The following TSEN15 variants were observed in gnomAD, a reference collection of about 807,000 sequenced individuals.
The protein encoded by TSEN15 is tRNA splicing endonuclease subunit 15.
Under a neutral mutation model 20.5 loss-of-function variants are expected in TSEN15, and 10 were observed. The observed-to-expected ratio is 0.49, with a 90% CI of 0.30 to 0.83. The LOEUF is 0.83. Among genes scored for constraint, TSEN15 ranks in the 40% least tolerant of loss-of-function variants. The probability of loss-of-function intolerance (pLI) is 0.06; values close to 1 mark genes in which losing one functional copy is unlikely to be tolerated. For synonymous variants in TSEN15, 72 were observed against 80.1 expected, an observed-to-expected ratio of 0.90 and a Z score of 0.54; for missense variants, 180 against 218.6, an observed-to-expected ratio of 0.82 and a Z score of 1.11.
At chr1:184,053,790 G>A (rs1387643945) in intron 1 of TSEN15, among the ~76,000 whole-genome samples, 2 of 152,148 alleles carry the variant, frequency 1.3e-5, no homozygotes, top group Non-Finnish European at 2.9e-5. Flanking sequence ...GAGAGGCTAG[G>A]ACTGATACTC....
At chr1:184,067,308 G>A (rs1650706790) in intron 3 of TSEN15, among the ~76,000 whole-genome samples, 1 of 152,082 alleles carries the variant, frequency 6.6e-6, no homozygotes. Context: ...CCTACTAAGT[G>A]GTCCTCCTTT....
downstream of TSEN15, among the ~76,000 whole-genome samples, chr1:184,076,314 GATGTTACT>G (rs1370510984): frequency 6.6e-6 from 1 of 151,932 alleles, no homozygotes; most frequent in African/African-American, 2.4e-5. Context: ...AGGGATATTT[GATGTTACT>G]ATTGTAATTG....
chr1:184,052,421 AT>A (rs1487703886), intron 1 of TSEN15, among the ~76,000 whole-genome samples: 1 of 152,024 alleles, frequency 6.6e-6, no homozygotes, highest in Non-Finnish European at 1.5e-5. Context: ...AGCTACTCAC[AT>A]TTTGCGTGTA....
intron 2 of TSEN15, 120 bp downstream of exon 2, chr1:184,054,555 G>A (rs1417049686): frequency 1.7e-6 from 2 of 1,187,900 alleles, no homozygotes; most frequent in Admixed American, 2.3e-5. Context: ...TGTTAATTTT[G>A]CAATTTATTT....
intron 3 of TSEN15, chr1:184,093,580 G>A (rs371578167): frequency 6.6e-6 from 1 of 152,106 alleles, no homozygotes; most frequent in Non-Finnish European, 1.5e-5. Context: ...GTACTTTGTG[G>A]CATTAATATA....
At chr1:184,055,043 GA>G in intron 3 of TSEN15, 180 bp downstream of exon 3, 1 of 621,338 alleles carries the variant, frequency 1.6e-6, no homozygotes, top group East Asian at 2.9e-5. Flanking sequence ...TTGCTATAAA[GA>G]AATACCTGAG....
At chr1:184,057,321 A>G (rs1181645714) in intron 3 of TSEN15, among the ~76,000 whole-genome samples, 1 of 152,148 alleles carries the variant, frequency 6.6e-6, no homozygotes, top group Non-Finnish European at 1.5e-5. Flanking sequence ...AGAGTGGGGT[A>G]TGGGAAGAAT....
At chr1:184,092,375 G>A (rs1195078715) in intron 3 of TSEN15, among the ~76,000 whole-genome samples, 2 of 152,128 alleles carry the variant, frequency 1.3e-5, no homozygotes, top group Non-Finnish European at 2.9e-5. Context: ...AAATAAGTAG[G>A]GACTGTTCTC....
At chr1:184,089,021 G>A (rs1168053292) in intron 3 of TSEN15, among the ~76,000 whole-genome samples, 31 of 152,338 alleles carry the variant, frequency 2.0e-4, no homozygotes, top group Non-Finnish European at 5.9e-5. Flanking sequence ...TGGCCAAAGG[G>A]AGCAGCTGTT....
At chr1:184,072,322 C>T (rs373043340) in intron 4 of TSEN15, 24 bp downstream of exon 4, 38 of 1,570,876 alleles carry the variant, frequency 2.4e-5, no homozygotes, top group Non-Finnish European at 3.1e-5. Flanking sequence ...TAACTGACAG[C>T]AAGAAGTACA....
Position 184,072,975 on chromosome 1 carries a change from G to C in TSEN15, c.*128G>C, listed in dbSNP as rs1255967791. 7.9e-6 allele frequency: 7 copies of C among 885,666 alleles called. No individual in the cohort carries two copies. In the African/African-American group the frequency reaches 8.7e-5, roughly 11 times the overall value. 54.9% of individuals were successfully genotyped at this position (885,666 alleles called of 1,614,324 possible). ...GAGGGTTGACTTCCCCATTCCATAA[G>C]GTTTTCATTCTGAAGAGTAAAACTT... On this transcript the variant is annotated 3_prime_UTR_variant, in exon 5 of 5. Coordinates refer to ENST00000645668, the MANE Select transcript of TSEN15 (RefSeq NM_052965.4).
rs1650964156 is a variant in TSEN15, at chr1:184,073,347, T to C, written c.*500T>C. 1 of 152,712 alleles carries C rather than the reference T, an allele frequency of 6.5e-6. No individual in the cohort carries two copies. Among genetic ancestry groups the C allele is most frequent in the South Asian group, 2.1e-4 (1 of 4,844 alleles). 9.5% of individuals were successfully genotyped at this position (152,712 alleles called of 1,614,324 possible). ...GTAAAAAGTAAAAGATTTCTTTCAATTGGTCTTCCCATTGCAGTTACTGTT... is the reference window on the plus strand; with the variant it reads ...GTAAAAAGTAAAAGATTTCTTTCAACTGGTCTTCCCATTGCAGTTACTGTT... On this transcript the variant is annotated 3_prime_UTR_variant, in exon 5 of 5. Transcript: ENST00000645668.
intron 3 of TSEN15, among the ~76,000 whole-genome samples, chr1:184,071,525 C>T (rs182578243): frequency 2.6e-5 from 4 of 151,910 alleles, no homozygotes; most frequent in South Asian, 4.1e-4. Flanking sequence ...TCTATTGGAG[C>T]AATTTCTATA....
At chr1:184,085,205 G>A (rs1651238849) in intron 3 of TSEN15, among the ~76,000 whole-genome samples, 1 of 152,154 alleles carries the variant, frequency 6.6e-6, no homozygotes, top group African/African-American at 2.4e-5. Flanking sequence ...AAAGAGAAGG[G>A]GGAATGTTCA....
downstream of TSEN15, among the ~76,000 whole-genome samples, chr1:184,075,910 A>ATATATT (rs760409158): frequency 4.0e-5 from 5 of 123,738 alleles, no homozygotes; most frequent in Admixed American, 1.6e-4. Flanking sequence ...ATATATATAT[A>ATATATT]TTTTTTTTTT....
chr1:184,095,631 TTCTCTCTCTCTCTCTC>T lies in TSEN15; in HGVS notation c.354-37_354-22del, dbSNP rs56022269. 1.2e-3 allele frequency: 480 copies of T among 386,232 alleles called. 2 individuals are homozygous for T. The highest frequency in any genetic ancestry group is 8.4e-3 in the African/African-American group (394 of 46,910). The allele number at this position is 386,232 out of a possible 1,614,324, so 23.9% of individuals were successfully genotyped here. A position where few individuals can be genotyped will look rare whatever the true frequency, so the allele number is the denominator to read the frequency against. On this transcript the variant is annotated intron_variant, in intron 3 of 3. Transcript: ENST00000643231. ...CCAGAGATCTCTATCTCTCTCCCCC[TTCTCTCTCTCTCTCTC>T]TCTCTCTCTCTCTCTCTCTCTGTGT...
At chr1:184,052,365 A>T (rs1650086950) in intron 1 of TSEN15, among the ~76,000 whole-genome samples, 1 of 152,176 alleles carries the variant, frequency 6.6e-6, no homozygotes. Context: ...GATTCCTAAT[A>T]TTTCAGATTT....
intron 1 of TSEN15, among the ~76,000 whole-genome samples, chr1:184,053,268 A>G (rs1440714890): frequency 1.1e-4 from 16 of 152,118 alleles, no homozygotes; most frequent in East Asian, 3.8e-4. Flanking sequence ...TGTTTTTCCA[A>G]TTTCACCTTT....
intron 3 of TSEN15, among the ~76,000 whole-genome samples, chr1:184,090,121 A>G (rs1651332463): frequency 6.6e-6 from 1 of 152,250 alleles, no homozygotes; most frequent in Non-Finnish European, 1.5e-5. Context: ...AATCTTTACA[A>G]TGGGATACTA....
Sources: gnomAD v4.1 joint callset for allele counts (sites outside exome capture counted in the v4.1 genomes callset) on GRCh38, gnomAD v4.1.1 for gene constraint, MANE v1.5 for transcripts, NCBI Gene and HGNC (gene_info 2026-07-23, HGNC 2026-07-21) for gene names.